Variants in TANC1 observed in about 807,000 individuals in gnomAD.
TANC1 encodes tetratricopeptide repeat, ankyrin repeat and coiled-coil containing 1, also known as protein TANC1.
A neutral mutation model predicts 149.7 loss-of-function variants in TANC1; 77 were observed. That is an observed-to-expected ratio of 0.51 (90% CI 0.43 to 0.62). TANC1 has a LOEUF of 0.62. Among genes scored for constraint, TANC1 ranks in the 20% least tolerant of loss-of-function variants. The pLI is 0.00. For missense variants in TANC1, 1,985 were observed against 2,321.8 expected (o/e 0.85, Z 2.98); for synonymous variants, 854 against 925.0 (o/e 0.92, Z 1.39).
At position 159,217,533 on chromosome 2, in the gene TANC1, T is replaced by C. The variant is rs1159073955; in HGVS notation, c.3281T>C (p.Val1094Ala). 1 of 1,614,102 alleles carries C rather than the reference T, an allele frequency of 6.2e-7. No homozygotes were observed. The highest frequency in any genetic ancestry group is 8.5e-7 in the Non-Finnish European group (1 of 1,180,012). The change falls in exon 20 of 27, where the codon GTC becomes GCC. Residue 1094 changes from valine to alanine, a missense_variant. Val to Ala is a moderately conservative substitution (Grantham distance 64). Transcript: ENST00000263635. Reference sequence around the variant, plus strand: ...GCCGCAGGAAGAGGGAAGCTGGAGGTCTGTGAGCTGCTGCTGGGGCATGGA... The same window carrying C: ...GCCGCAGGAAGAGGGAAGCTGGAGGCCTGTGAGCTGCTGCTGGGGCATGGA... ...TAAAGRGKLE[V>A]CELLLGHGAA...
chr2:159,228,037 C>G, intron 25 of TANC1, 72 bp downstream of exon 25: 2 of 1,527,624 alleles, frequency 1.3e-6, no homozygotes, highest in Non-Finnish European at 1.8e-6. Context: ...AAGGCCAGCC[C>G]TTCTCCAGAC....
intron 19 of TANC1, among the ~76,000 whole-genome samples, chr2:159,214,123 TCAAAA>T: frequency 6.4e-5 from 1 of 15,692 alleles, no homozygotes; most frequent in Non-Finnish European, 1.6e-4. Context: ...AGATCCTGTC[TCAAAA>T]AAAAAAAAAA....
chr2:159,078,836 TTTTTCTGAACCTG>T (rs1297151161), intron 3 of TANC1, among the ~76,000 whole-genome samples: 14 of 152,198 alleles, frequency 9.2e-5, no homozygotes, highest in Non-Finnish European at 1.9e-4. Context: ...TTTGAATAAT[TTTTTCTGAACCTG>T]TTTTCTTGCC....
chr2:159,006,295 C>CAAAAAAAAAAAAAAAAAAA (rs71406138), intron 2 of TANC1, among the ~76,000 whole-genome samples: 1 of 75,150 alleles, frequency 1.3e-5, no homozygotes, highest in Non-Finnish European at 2.7e-5. Flanking sequence ...GACTTAGTCT[C>CAAAAAAAAAAAAAAAAAAA]AAAAAAAAAA....
Position 159,185,887 on chromosome 2 carries a change from G to A in TANC1, c.2607G>A (p.Ala869=), listed in dbSNP as rs371024246. Residue 869 remains alanine (A), a synonymous_variant, in exon 15 of 27, where the codon GCG becomes GCA. Coordinates refer to ENST00000263635, the MANE Select transcript of TANC1 (RefSeq NM_033394.3). ...TMELGHHILK[A]HIFKGLSKKT... is the part of the protein sequence containing the mutation. The stretch of plus-strand genomic sequence containing the variant: ...AGCTTGGCCACCACATCCTGAAGGC[G>A]CACATTTTCAAGGTGAGATGCACAC... 2.4e-5 allele frequency: 38 copies of A among 1,612,812 alleles called. No individual in the cohort carries two copies. Among genetic ancestry groups the A allele is most frequent in the East Asian group, 8.9e-5 (4 of 44,868 alleles).
At chr2:158,978,134 G>A (rs549845786) in intron 1 of TANC1, among the ~76,000 whole-genome samples, 1 of 152,198 alleles carries the variant, frequency 6.6e-6, no homozygotes, top group East Asian at 1.9e-4. Flanking sequence ...TTGATGGTAG[G>A]GGGTCCTGTC....
chr2:159,208,843 C>T (rs1318335886), intron 19 of TANC1, among the ~76,000 whole-genome samples: 3 of 152,220 alleles, frequency 2.0e-5, no homozygotes, highest in African/African-American at 4.8e-5. Flanking sequence ...GCGTGAAAAT[C>T]CTCCAGTGTA....
chr2:159,203,260 G>A (rs886797588), intron 19 of TANC1, among the ~76,000 whole-genome samples: 1 of 145,190 alleles, frequency 6.9e-6, no homozygotes, highest in Admixed American at 7.0e-5. Context: ...AGGCTAGAGT[G>A]CTGTGGTGCA....
intron 7 of TANC1, among the ~76,000 whole-genome samples, chr2:159,162,547 CT>C (rs2054145701): frequency 6.6e-6 from 1 of 152,170 alleles, no homozygotes; most frequent in African/African-American, 2.4e-5. Context: ...TGACCATGTT[CT>C]TTCTGCTCTT....
intron 8 of TANC1, among the ~76,000 whole-genome samples, chr2:159,165,024 T>G (rs1575050906): frequency 6.6e-6 from 1 of 152,224 alleles, no homozygotes; most frequent in Admixed American, 6.5e-5. Flanking sequence ...TACCTAGTTA[T>G]GATGAATGGG....
At chr2:159,112,977 G>A (rs564069282) in intron 4 of TANC1, among the ~76,000 whole-genome samples, 1 of 151,892 alleles carries the variant, frequency 6.6e-6, no homozygotes, top group South Asian at 2.1e-4. Flanking sequence ...ACAGGGTCTT[G>A]CTGTGTCACC....
At chr2:159,090,713 C>G (rs986386425) in intron 3 of TANC1, among the ~76,000 whole-genome samples, 1 of 152,216 alleles carries the variant, frequency 6.6e-6, no homozygotes, top group Non-Finnish European at 1.5e-5. Flanking sequence ...ACAGCTAGCT[C>G]GTGACTTCAC....
chr2:159,019,660 T>TTTTTTG (rs2038633122), intron 2 of TANC1, among the ~76,000 whole-genome samples: 1 of 39,048 alleles, frequency 2.6e-5, no homozygotes, highest in Non-Finnish European at 5.0e-5. Flanking sequence ...TCTGTTTTTT[T>TTTTTTG]TTTTTTTTTT....
intron 2 of TANC1, among the ~76,000 whole-genome samples, chr2:159,064,082 C>A (rs1249692276): frequency 1.3e-5 from 2 of 152,084 alleles, no homozygotes; most frequent in Middle Eastern, 3.2e-3. Flanking sequence ...AATTATAAAC[C>A]CCAAAGTTGG....
intron 2 of TANC1, among the ~76,000 whole-genome samples, chr2:159,054,656 A>T (rs1456951316): frequency 6.6e-6 from 1 of 152,226 alleles, no homozygotes; most frequent in Non-Finnish European, 1.5e-5. Context: ...CAATTTAAAA[A>T]TTTTAATTTC....
chr2:159,083,547 TCTTATA>T (rs1338183741), intron 3 of TANC1, among the ~76,000 whole-genome samples: 5 of 152,232 alleles, frequency 3.3e-5, no homozygotes, highest in African/African-American at 9.6e-5. Flanking sequence ...TTTGTTTGGT[TCTTATA>T]CTTATGTTGA....
intron 5 of TANC1, among the ~76,000 whole-genome samples, chr2:159,141,466 T>C (rs1318393868): frequency 2.0e-5 from 3 of 152,178 alleles, no homozygotes; most frequent in Non-Finnish European, 2.9e-5. Context: ...TCTTGAGGAA[T>C]TGCAAGGACC....
intron 4 of TANC1, among the ~76,000 whole-genome samples, chr2:159,119,680 A>C (rs1314155964): frequency 6.6e-6 from 1 of 152,182 alleles, no homozygotes; most frequent in Non-Finnish European, 1.5e-5. Context: ...CTGAGAGGTC[A>C]CGATGGCCTG....
At chr2:159,174,220 C>T (rs1006518187) in intron 11 of TANC1, among the ~76,000 whole-genome samples, 6 of 152,184 alleles carry the variant, frequency 3.9e-5, no homozygotes, top group Non-Finnish European at 8.8e-5. Flanking sequence ...CAGCGTCTGG[C>T]CCTTTCGTGG....
Sources: gnomAD v4.1 joint callset for allele counts (sites outside exome capture counted in the v4.1 genomes callset) on GRCh38, gnomAD v4.1.1 for gene constraint, MANE v1.5 for transcripts, NCBI Gene and HGNC (gene_info 2026-07-23, HGNC 2026-07-21) for gene names.